INSR: variants seen among roughly 807,000 people sequenced by gnomAD.
The protein encoded by INSR is insulin receptor.
Under a neutral mutation model 142.6 loss-of-function variants are expected in INSR, and 67 were observed. That is an observed-to-expected ratio of 0.47 (90% CI 0.39 to 0.58). The LOEUF (loss-of-function observed/expected upper bound fraction) is 0.58, where lower values mean the gene tolerates loss of function less well. Among genes scored for constraint, INSR ranks in the 20% least tolerant of loss-of-function variants. The pLI is 0.00. For synonymous variants in INSR, 756 were observed against 743.1 expected, an observed-to-expected ratio of 1.02 and a Z score of -0.28; for missense variants, 1,248 against 1,833.2, an observed-to-expected ratio of 0.68 and a Z score of 5.83.
rs1169767210 is a variant in INSR at position 7,218,572 on chromosome 19, G to A, written c.653-33935C>T. 2.6e-5 allele frequency among the ~76,000 whole-genome samples: 4 copies of A among 151,860 alleles called. No homozygotes were observed. The East Asian group carries it at 5.8e-4, about 22-fold the overall frequency. On this transcript the variant is annotated intron_variant, in intron 2 of 21. Transcript: ENST00000302850. Reference sequence around the variant, plus strand: ...CTTTGTTTTTATGAAACGAAGTCTCGCTCTGTTGCCCAGGCTGGAGTGCAG... The same window carrying A: ...CTTTGTTTTTATGAAACGAAGTCTCACTCTGTTGCCCAGGCTGGAGTGCAG...
chr19:7,116,919 A>G lies in INSR; in HGVS notation c.*137T>C. 1 of 769,152 alleles carries G rather than the reference A, an allele frequency of 1.3e-6. No individual in the cohort carries two copies. Among genetic ancestry groups the G allele is most frequent in the South Asian group, 1.5e-5 (1 of 68,410 alleles). The allele number at this position is 769,152 out of a possible 1,614,324, so 47.6% of individuals were successfully genotyped here. A position where few individuals can be genotyped will look rare whatever the true frequency, so the allele number is the denominator to read the frequency against. ...ACCAAACGAGTCCACCTTAAGATGA[A>G]CAGAAATGTATAGGAACGATCTCTG... On this transcript the variant is annotated 3_prime_UTR_variant, in exon 22 of 22. Transcript: ENST00000302850.
intron 9 of INSR, 140 bp from the exon 10 acceptor site, chr19:7,153,067 C>T (rs1599914123): frequency 2.3e-6 from 1 of 435,964 alleles, no homozygotes; most frequent in African/African-American, 3.1e-5. Context: ...ACACACACAC[C>T]ACACACATCA....
chr19:7,201,667 C>CTT (rs570519539), intron 2 of INSR, among the ~76,000 whole-genome samples: 57 of 127,876 alleles, frequency 4.5e-4, no homozygotes, highest in East Asian at 2.0e-3. Flanking sequence ...TATTTTCATT[C>CTT]TTTTTTTTTT....
At chr19:7,261,497 GT>G (rs1156330355) in intron 2 of INSR, among the ~76,000 whole-genome samples, 3 of 152,054 alleles carry the variant, frequency 2.0e-5, no homozygotes, top group Non-Finnish European at 2.9e-5. Context: ...CACATGCCAT[GT>G]TTTTTTGTTT....
intron 2 of INSR, among the ~76,000 whole-genome samples, chr19:7,233,372 C>G (rs553394456): frequency 3.9e-5 from 6 of 152,176 alleles, no homozygotes; most frequent in Non-Finnish European, 8.8e-5. Flanking sequence ...CAGAGCCCCA[C>G]GGCTACTAAC....
At position 7,125,271 on chromosome 19, in the gene INSR, C is replaced by G. The variant is rs753105623; in HGVS notation, c.3258+12G>C. ...GGAAAGCCAGCCCATGTCCCACCCCCACTGGACTCACCACGTGATGGCAGG... is the reference window on the plus strand; with the variant it reads ...GGAAAGCCAGCCCATGTCCCACCCCGACTGGACTCACCACGTGATGGCAGG... On this transcript the variant is annotated intron_variant, in intron 17 of 21. Transcript: ENST00000302850. The surrounding 1 kb of genome is among the most constrained non-coding windows in gnomAD (Gnocchi z 4.9). 3 of 1,613,918 alleles carry G rather than the reference C, an allele frequency of 1.9e-6. No individual in the cohort carries two copies. The highest frequency in any genetic ancestry group is 3.3e-5 in the Admixed American group (2 of 60,026).
intron 2 of INSR, among the ~76,000 whole-genome samples, chr19:7,224,965 G>GAGAC (rs561913561): frequency 0.038 from 5,739 of 151,572 alleles, 138 homozygotes; most frequent in Middle Eastern, 0.082. Flanking sequence ...GGATGAGAGA[G>GAGAC]AGACAGACAG....
At chr19:7,147,874 T>A (rs552356006) in intron 11 of INSR, among the ~76,000 whole-genome samples, 1 of 152,020 alleles carries the variant, frequency 6.6e-6, no homozygotes, top group Non-Finnish European at 1.5e-5. Flanking sequence ...CCAAAAAGAT[T>A]ATAACCAAAA....
chr19:7,135,943 G>A (rs758893106), intron 13 of INSR, among the ~76,000 whole-genome samples: 3 of 148,434 alleles, frequency 2.0e-5, no homozygotes, highest in Non-Finnish European at 4.4e-5. Context: ...ACCGTAGCCT[G>A]GGCTACAGAG....
At position 7,116,973 on chromosome 19, in the gene INSR, G is replaced by T; in HGVS notation, c.*83C>A. On this transcript the variant is annotated 3_prime_UTR_variant, in exon 22 of 22. Coordinates refer to ENST00000302850, the MANE Select transcript of INSR (RefSeq NM_000208.4). ...TCCATTGGACATGGTAGAGTCGTGAGAATCCTGAGTTTTCCAGAGGCTTTC... is the reference window on the plus strand; with the variant it reads ...TCCATTGGACATGGTAGAGTCGTGATAATCCTGAGTTTTCCAGAGGCTTTC... 9.7e-7 allele frequency: 1 copy of T among 1,034,880 alleles called. No homozygotes were observed. Among genetic ancestry groups the T allele is most frequent in the Non-Finnish European group, 1.5e-6 (1 of 651,586 alleles). 64.1% of individuals were successfully genotyped at this position (1,034,880 alleles called of 1,614,324 possible). A position where few individuals can be genotyped will look rare whatever the true frequency, so the allele number is the denominator to read the frequency against.
intron 1 of INSR, among the ~76,000 whole-genome samples, chr19:7,281,666 G>T (rs1454425472): frequency 6.6e-6 from 1 of 152,076 alleles, no homozygotes; most frequent in East Asian, 1.9e-4. Flanking sequence ...GGATGACAGA[G>T]CAAGACCCTG....
chr19:7,148,474 A>ATTTTTTTT (rs1568445065), intron 11 of INSR, among the ~76,000 whole-genome samples: 10 of 50,828 alleles, frequency 2.0e-4, no homozygotes, highest in African/African-American at 7.9e-4. Context: ...TTATGTATTT[A>ATTTTTTTT]TTCTTTTTTT....
chr19:7,219,880 T>C (rs772917524), intron 2 of INSR, among the ~76,000 whole-genome samples: 2 of 150,798 alleles, frequency 1.3e-5, no homozygotes, highest in African/African-American at 2.4e-5. Flanking sequence ...TGGTGGCACC[T>C]GGATTATAGC....
intron 2 of INSR, among the ~76,000 whole-genome samples, chr19:7,240,356 G>GT: frequency 6.6e-6 from 1 of 151,972 alleles, no homozygotes; most frequent in East Asian, 1.9e-4. Flanking sequence ...GCTGAGGCAG[G>GT]TGGATTACCT....
At position 7,216,615 on chromosome 19, in the gene INSR, G is replaced by T. The variant is rs1262785546; in HGVS notation, c.653-31978C>A. 6.6e-6 allele frequency among the ~76,000 whole-genome samples: 1 copy of T among 152,140 alleles called. No homozygotes were observed. The highest frequency in any genetic ancestry group is 1.5e-5 in the Non-Finnish European group (1 of 68,026). On this transcript the variant is annotated intron_variant, in intron 2 of 21. Transcript: ENST00000302850. This position sits in a 1 kb window ranked among gnomAD's most constrained non-coding sequence, Gnocchi z 4.2. ...ACGGTGTAATGGAGCCACTGCAGGT[G>T]TCCCCAGAAGCCACAGCAAGGCCAT... is the stretch of plus-strand genomic sequence containing the variant.
intron 4 of INSR, among the ~76,000 whole-genome samples, chr19:7,174,146 G>A (rs1356306716): frequency 6.6e-6 from 1 of 151,244 alleles, no homozygotes; most frequent in Non-Finnish European, 1.5e-5. Context: ...AAAAAAATTA[G>A]CCCGGCACAG....
At chr19:7,284,101 G>A (rs191465566) in intron 1 of INSR, among the ~76,000 whole-genome samples, 1 of 152,084 alleles carries the variant, frequency 6.6e-6, no homozygotes, top group East Asian at 1.9e-4. Context: ...GTCTCACTCT[G>A]TTGCCCAGGC....
In INSR at chr19:7,294,208, G is replaced by A. The variant is rs1302336296; in HGVS notation, c.-317C>T. 2.0e-5 allele frequency among the ~76,000 whole-genome samples: 3 copies of A among 151,474 alleles called. No individual in the cohort carries two copies. The highest frequency in any genetic ancestry group is 3.0e-5 in the Non-Finnish European group (2 of 67,790). On this transcript the variant is annotated 5_prime_UTR_variant, in exon 1 of 22. Coordinates refer to ENST00000302850, the MANE Select transcript of INSR (RefSeq NM_000208.4). ...CGCGCTGCGCCCGGGACTGTCTCTC[G>A]GCTCTCGGCCCCGCGCGCTCTGGGT...
chr19:7,130,038 C>CA (rs34622759), intron 14 of INSR, among the ~76,000 whole-genome samples: 87,958 of 151,900 alleles, frequency 0.58, 26,045 homozygotes, highest in East Asian at 0.72. Flanking sequence ...CTCATCTAGC[C>CA]AAAAAACTCT....
Sources: gnomAD v4.1 joint callset for allele counts (sites outside exome capture counted in the v4.1 genomes callset) on GRCh38, gnomAD v4.1.1 for gene constraint, Gnocchi (gnomAD v3.1) non-coding constraint, MANE v1.5 for transcripts, NCBI Gene and HGNC (gene_info 2026-07-23, HGNC 2026-07-21) for gene names.